The following CYTH2 variants were observed in gnomAD, a reference collection of about 807,000 sequenced individuals.
CYTH2 encodes the protein cytohesin 2.
Under a neutral mutation model 55.4 loss-of-function variants are expected in CYTH2, and 24 were observed. The observed-to-expected ratio is 0.43, with a 90% CI of 0.31 to 0.61. The LOEUF (loss-of-function observed/expected upper bound fraction) is 0.61. Ranked by LOEUF, CYTH2 falls within the 20% of genes least tolerant of loss-of-function variation. The pLI, the probability that CYTH2 is intolerant of heterozygous loss-of-function variation, is 0.08. For synonymous variants in CYTH2, 221 were observed against 209.6 expected (o/e 1.05, Z -0.47); for missense variants, 378 against 533.5 (o/e 0.71, Z 2.87).
chr19:48,470,998 C>T (rs1004084850), intron 3 of CYTH2, among the ~76,000 whole-genome samples: 5 of 152,134 alleles, frequency 3.3e-5, no homozygotes, highest in Admixed American at 6.5e-5. Context: ...GTTGACCTCT[C>T]TCCCACAAAG....
intron 8 of CYTH2, chr19:48,477,806 C>T: frequency 2.0e-6 from 1 of 500,650 alleles, no homozygotes; most frequent in East Asian, 3.1e-5. Context: ...CTCCTGCCCA[C>T]AGGAGGAGGG....
chr19:48,480,200 C>G lies in CYTH2; in HGVS notation c.*990C>G, dbSNP rs932658590. The stretch of plus-strand genomic sequence containing the variant: ...CCAAAGAACAAGGGCTCGTGGATCC[C>G]GAGCAGGGTGCGATGGCGGATTGGG... On this transcript the variant is annotated 3_prime_UTR_variant, in exon 12 of 12. Transcript: ENST00000452733. The G allele has an allele frequency of 6.6e-6, 1 of 152,200 alleles. No homozygotes were observed. The highest frequency in any genetic ancestry group is 1.5e-5 in the Non-Finnish European group (1 of 68,044). 9.4% of individuals were successfully genotyped at this position (152,200 alleles called of 1,614,324 possible).
intron 8 of CYTH2, chr19:48,477,037 CCCTT>C (rs1250433280): frequency 3.9e-5 from 6 of 152,210 alleles, no homozygotes; most frequent in African/African-American, 1.4e-4. Context: ...TTAGAGGGAC[CCCTT>C]CCTTAAAAGA....
chr19:48,480,698 G>A lies in CYTH2; in HGVS notation c.*1488G>A, dbSNP rs1972031353. The A allele has an allele frequency of 3.3e-5, 5 of 152,256 alleles. No individual in the cohort carries two copies. The highest frequency in any genetic ancestry group is 3.3e-4 in the Admixed American group (5 of 15,286). 9.4% of individuals were successfully genotyped at this position (152,256 alleles called of 1,614,324 possible). On this transcript the variant is annotated 3_prime_UTR_variant, in exon 12 of 12. Coordinates refer to ENST00000452733, the MANE Select transcript of CYTH2 (RefSeq NM_004228.7). ...CCGCCGCGGCCCCGGGGGCTGGTGG[G>A]AAATGGAGTTCCAAATGAGAAAATA...
Position 48,472,489 on chromosome 19 carries a change from C to T in CYTH2, c.353+46C>T, listed in dbSNP as rs2287658. ...CTGTGGGGCCCCTCCCTCCCACCCC[C>T]CAGACCCAGCTCCTGCCCTCACACT... On this transcript the variant is annotated intron_variant, in intron 4 of 11. Coordinates refer to ENST00000452733, the MANE Select transcript of CYTH2 (RefSeq NM_004228.7). 0.039 allele frequency: 57,496 copies of T among 1,475,888 alleles called. 6,090 individuals carry two copies. The African/African-American group carries it at 0.4, about 10-fold the overall frequency. 91.4% of individuals were successfully genotyped at this position (1,475,888 alleles called of 1,614,324 possible).
chr19:48,473,450 C>A, intron 5 of CYTH2, 72 bp downstream of exon 5: 5 of 1,492,896 alleles, frequency 3.3e-6, no homozygotes, highest in Admixed American at 3.4e-5. Context: ...AAGTGACAAA[C>A]CTTACTCAAG....
At chr19:48,473,546 T>C (rs1034540975) in intron 5 of CYTH2, 168 bp downstream of exon 5, 9 of 669,536 alleles carry the variant, frequency 1.3e-5, no homozygotes, top group Non-Finnish European at 2.1e-5. Flanking sequence ...TATGGCCTCC[T>C]TCAGGTATGG....
Position 48,479,149 on chromosome 19 carries a change from A to G in CYTH2, c.1139A>G (p.Tyr380Cys). ...IQAAVSVDPF[Y>C]EMLAARKKRI... Reference sequence around the variant, plus strand: ...GCGGCTGTGAGTGTGGACCCCTTCTATGAGATGCTGGCAGCGAGAAAGAAG... The same window carrying G: ...GCGGCTGTGAGTGTGGACCCCTTCTGTGAGATGCTGGCAGCGAGAAAGAAG... Residue 380 changes from tyrosine (Y) to cysteine (C), a missense_variant, in exon 12 of 12, where the codon TAT becomes TGT. Transcript: ENST00000452733. 3.1e-6 allele frequency: 5 copies of G among 1,614,014 alleles called. No individual in the cohort carries two copies. Among genetic ancestry groups the G allele is most frequent in the South Asian group, 1.1e-5 (1 of 91,086 alleles).
intron 5 of CYTH2, 66 bp downstream of exon 5, chr19:48,473,444 GACAA>G: frequency 6.6e-7 from 1 of 1,522,256 alleles, no homozygotes; most frequent in Non-Finnish European, 9.1e-7. Context: ...AGTTACAAGT[GACAA>G]ACCTTACTCA....
At chr19:48,477,242 A>C (rs543189260) in intron 8 of CYTH2, 1 of 152,366 alleles carries the variant, frequency 6.6e-6, no homozygotes, top group African/African-American at 2.4e-5. Flanking sequence ...CCCTGAGGTC[A>C]CACAGCCAGT....
intron 4 of CYTH2, chr19:48,473,056 C>T (rs960623336): frequency 7.9e-6 from 4 of 503,546 alleles, no homozygotes; most frequent in Middle Eastern, 5.3e-4. Context: ...CGGCATTTCT[C>T]CCAACTGTAC....
chr19:48,476,229 G>C (rs1410826438), intron 8 of CYTH2: 2 of 266,810 alleles, frequency 7.5e-6, no homozygotes, highest in Admixed American at 5.2e-5. Context: ...TTAGAGGTCA[G>C]GAGTTTGAGA....
At position 48,481,493 on chromosome 19, in the gene CYTH2, T is replaced by TC; in HGVS notation, c.*2283_*2284insC. On this transcript the variant is annotated 3_prime_UTR_variant, in exon 12 of 12. Transcript: ENST00000452733. ...CACGCTTCTGATTTTTTTTGTAGGT[T>TC]TTTTTTTTTGTTTTTTGTTTTGTTT... The TC allele has an allele frequency of 5.4e-6, 1 of 184,630 alleles. No homozygotes were observed. The highest frequency in any genetic ancestry group is 8.7e-5 in the South Asian group (1 of 11,550). The allele number at this position is 184,630 out of a possible 1,614,324, so 11.4% of individuals were successfully genotyped here. A position where few individuals can be genotyped will look rare whatever the true frequency, so the allele number is the denominator to read the frequency against.
Position 48,469,538 on chromosome 19 carries a change from A to G in CYTH2, c.19+12A>G. Reference sequence around the variant, plus strand: ...GGACGGCGTCTATGGTAGGTCGGGGAGGGGCGGGGTCGGCTGGGAGTTGCT... The same window carrying G: ...GGACGGCGTCTATGGTAGGTCGGGGGGGGGCGGGGTCGGCTGGGAGTTGCT... On this transcript the variant is annotated intron_variant, in intron 1 of 11. Transcript: ENST00000452733. 7.6e-7 allele frequency: 1 copy of G among 1,323,430 alleles called. No homozygotes were observed. 82.0% of individuals were successfully genotyped at this position (1,323,430 alleles called of 1,614,324 possible). A position where few individuals can be genotyped will look rare whatever the true frequency, so the allele number is the denominator to read the frequency against.
chr19:48,473,687 C>A, intron 5 of CYTH2: 1 of 599,754 alleles, frequency 1.7e-6, no homozygotes, highest in Non-Finnish European at 3.0e-6. Flanking sequence ...CCAGACCTGT[C>A]TAGCGAACTT....
rs1399743919 is a variant in CYTH2, at chr19:48,474,702, C to T, written c.697-136C>T. On this transcript the variant is annotated intron_variant, in intron 7 of 11. Coordinates refer to ENST00000452733, the MANE Select transcript of CYTH2 (RefSeq NM_004228.7). The surrounding 1 kb of genome is among the most constrained non-coding windows in gnomAD (Gnocchi z 4.9). ...CCTCCCTCCACTTCTCTGCCTTTCA[C>T]TTCCCTCTCCTCCCCACTACCCCTC... 2 of 726,210 alleles carry T rather than the reference C, an allele frequency of 2.8e-6. No homozygotes were observed. Among genetic ancestry groups the T allele is most frequent in the Admixed American group, 5.4e-5 (2 of 36,822 alleles). 45.0% of individuals were successfully genotyped at this position (726,210 alleles called of 1,614,324 possible). A position where few individuals can be genotyped will look rare whatever the true frequency, so the allele number is the denominator to read the frequency against.
intron 4 of CYTH2, 155 bp from the exon 5 acceptor site, chr19:48,473,143 G>T (rs539242486): frequency 1.5e-5 from 11 of 739,500 alleles, no homozygotes; most frequent in Non-Finnish European, 2.3e-5. Flanking sequence ...CCACCCTGGG[G>T]GCAGGCCTGT....
In CYTH2 at chr19:48,474,946, C is replaced by A; in HGVS notation, c.805C>A (p.Leu269Met). ...GGACCGGGAGGGCTGGCTCCTGAAG[C>A]TGGGTACGTGCCCTCCCGACCCCGC... ...NPDREGWLLK[L>M]GGRVKTWKRR... The change falls in exon 8 of 12, where the codon CTG becomes ATG. Residue 269 changes from leucine (L) to methionine (M), a missense_variant. Physicochemically the swap from Leu to Met is conservative, Grantham distance 15. Coordinates refer to ENST00000452733, the MANE Select transcript of CYTH2 (RefSeq NM_004228.7). This position sits in a 1 kb window ranked among gnomAD's most constrained non-coding sequence, Gnocchi z 4.9. 1 of 1,614,140 alleles carries A rather than the reference C, an allele frequency of 6.2e-7. No individual in the cohort carries two copies. The highest frequency in any genetic ancestry group is 1.3e-5 in the African/African-American group (1 of 75,064).
rs757759089 is a variant in CYTH2, at chr19:48,478,159, G to A, written c.885+14G>A. 5.0e-6 allele frequency: 8 copies of A among 1,613,498 alleles called. No homozygotes were observed. Among genetic ancestry groups the A allele is most frequent in the South Asian group, 2.2e-5 (2 of 91,064 alleles). On this transcript the variant is annotated intron_variant, in intron 9 of 11. Coordinates refer to ENST00000452733, the MANE Select transcript of CYTH2 (RefSeq NM_004228.7). ...GAGTACACCACGGTGAGCGTGACCC[G>A]ACCCGGGCTCTGGGGTCCTGGGCGG...
Sources: allele counts gnomAD v4.1 joint callset (sites outside exome capture counted in the v4.1 genomes callset), GRCh38; gene constraint gnomAD v4.1.1; non-coding constraint Gnocchi (gnomAD v3.1); transcripts MANE v1.5; gene names NCBI Gene and HGNC (gene_info 2026-07-23, HGNC 2026-07-21).